Variants in KHDRBS2 observed in about 807,000 individuals in gnomAD.
KHDRBS2 encodes the protein KH domain-containing, RNA-binding, signal transduction-associated protein 2.
KHDRBS2 carries 26 observed loss-of-function variants against 44.3 expected under a neutral mutation model. The ratio of observed to expected loss-of-function variants is 0.59; its 90% confidence interval spans 0.43 to 0.81. KHDRBS2 has a LOEUF of 0.81. Ranked by LOEUF, KHDRBS2 falls within the 40% of genes least tolerant of loss-of-function variation. The pLI, the probability that KHDRBS2 is intolerant of heterozygous loss-of-function variation, is 0.00. For synonymous variants in KHDRBS2, 194 were observed against 151.1 expected, an observed-to-expected ratio of 1.28 and a Z score of -2.08; for missense variants, 476 against 433.1, an observed-to-expected ratio of 1.10 and a Z score of -0.88.
chr6:61,810,976 G>A (rs796099340), intron 6 of KHDRBS2, among the ~76,000 whole-genome samples: 16 of 152,012 alleles, frequency 1.1e-4, no homozygotes, highest in African/African-American at 3.9e-4. Context: ...TTTTATTTTA[G>A]ATTCAGGGAG....
downstream of KHDRBS2, among the ~76,000 whole-genome samples, chr6:61,675,516 G>T (rs1765879166): frequency 6.6e-6 from 1 of 151,532 alleles, no homozygotes; most frequent in Admixed American, 6.6e-5. Flanking sequence ...AAGCTAAATG[G>T]TCACAGTTCC....
chr6:61,730,394 C>T (rs1371358177), intron 7 of KHDRBS2, among the ~76,000 whole-genome samples: 2 of 151,954 alleles, frequency 1.3e-5, no homozygotes, highest in East Asian at 1.9e-4. Context: ...GCTCGACATT[C>T]ACATACTCAA....
intron 3 of KHDRBS2, among the ~76,000 whole-genome samples, chr6:62,002,211 G>T (rs1040404832): frequency 1.3e-5 from 2 of 151,718 alleles, no homozygotes; most frequent in Non-Finnish European, 2.9e-5. Flanking sequence ...TCCACCAAAG[G>T]TGTTTGATAT....
chr6:61,993,675 T>TA (rs61137285), intron 3 of KHDRBS2, among the ~76,000 whole-genome samples: 1,993 of 74,870 alleles, frequency 0.027, 78 homozygotes, highest in African/African-American at 0.064. Flanking sequence ...ATATATATAT[T>TA]TTTTTTTTTT....
chr6:61,680,803 G>C lies in KHDRBS2; in HGVS notation c.*160C>G. On this transcript the variant is annotated 3_prime_UTR_variant, in exon 9 of 9. Transcript: ENST00000281156. ...GTGTCAATGTCACGCCAACAGTACA[G>C]AGGGAAATACTAGAAATATATGGGA... is the stretch of plus-strand genomic sequence containing the variant. 1 of 568,926 alleles carries C rather than the reference G, an allele frequency of 1.8e-6. No individual in the cohort carries two copies. Among genetic ancestry groups the C allele is most frequent in the Non-Finnish European group, 3.2e-6 (1 of 316,352 alleles). 35.2% of individuals were successfully genotyped at this position (568,926 alleles called of 1,614,324 possible).
chr6:61,558,181 T>A, the KHDRBS2 span, among the ~76,000 whole-genome samples: 3 of 152,198 alleles, frequency 2.0e-5, no homozygotes, highest in African/African-American at 7.2e-5. Flanking sequence ...GGGTGTGATT[T>A]GTTCTTGCTT....
intron 6 of KHDRBS2, among the ~76,000 whole-genome samples, chr6:61,835,235 T>C (rs1443848052): frequency 6.6e-6 from 1 of 152,082 alleles, no homozygotes; most frequent in Non-Finnish European, 1.5e-5. Context: ...CAGACTAGTA[T>C]CAGTTGAAGA....
intron 2 of KHDRBS2, among the ~76,000 whole-genome samples, chr6:62,114,522 A>C (rs1805758228): frequency 6.6e-6 from 1 of 152,090 alleles, no homozygotes; most frequent in African/African-American, 2.4e-5. Flanking sequence ...AAAACAGGTA[A>C]AATTATTTTA....
intron 6 of KHDRBS2, among the ~76,000 whole-genome samples, chr6:61,784,145 G>T (rs1406198108): frequency 6.6e-6 from 1 of 151,626 alleles, no homozygotes; most frequent in Non-Finnish European, 1.5e-5. Context: ...TTAATATTTG[G>T]ATTCAGAGAT....
At chr6:61,734,400 G>T (rs796589234) in intron 6 of KHDRBS2, among the ~76,000 whole-genome samples, 2 of 151,992 alleles carry the variant, frequency 1.3e-5, no homozygotes, top group African/African-American at 4.8e-5. Context: ...TCCTTGTCTT[G>T]TTCTCCTTTA....
chr6:61,991,413 A>G (rs1230002588), intron 3 of KHDRBS2, among the ~76,000 whole-genome samples: 1 of 152,156 alleles, frequency 6.6e-6, no homozygotes, highest in Non-Finnish European at 1.5e-5. Flanking sequence ...CATGAAGAAA[A>G]GGCTTAATGA....
chr6:62,149,335 T>C (rs1355287856), intron 2 of KHDRBS2, among the ~76,000 whole-genome samples: 1 of 152,108 alleles, frequency 6.6e-6, no homozygotes, highest in Non-Finnish European at 1.5e-5. Context: ...TTTTCCTTTC[T>C]TTCCTCCTTT....
At chr6:62,152,608 A>G (rs1815458508) in intron 2 of KHDRBS2, among the ~76,000 whole-genome samples, 1 of 152,238 alleles carries the variant, frequency 6.6e-6, no homozygotes, top group Non-Finnish European at 1.5e-5. Flanking sequence ...TAAAAGTTGC[A>G]GAAGTAGAAT....
chr6:61,840,051 C>A (rs541250540), intron 6 of KHDRBS2, among the ~76,000 whole-genome samples: 40 of 152,010 alleles, frequency 2.6e-4, no homozygotes, highest in Admixed American at 2.0e-3. Flanking sequence ...TAATATTTGT[C>A]TTCAATTATT....
At chr6:61,555,845 G>A in the KHDRBS2 span, among the ~76,000 whole-genome samples, 1 of 152,118 alleles carries the variant, frequency 6.6e-6, no homozygotes, top group Non-Finnish European at 1.5e-5. Context: ...CTGTTATCTG[G>A]CCCCCAGCTT....
intron 2 of KHDRBS2, among the ~76,000 whole-genome samples, chr6:62,094,951 T>G (rs1800255932): frequency 1.3e-5 from 2 of 152,018 alleles, no homozygotes; most frequent in Admixed American, 1.3e-4. Flanking sequence ...CCTGCTGTTT[T>G]GGTTACTATA....
chr6:61,920,398 T>C (rs1358135282), intron 4 of KHDRBS2, among the ~76,000 whole-genome samples: 2 of 151,952 alleles, frequency 1.3e-5, no homozygotes, highest in African/African-American at 2.4e-5. Flanking sequence ...ACTGAGCACC[T>C]GATAAATGTT....
intron 7 of KHDRBS2, among the ~76,000 whole-genome samples, chr6:61,714,903 G>A (rs1284120621): frequency 3.3e-5 from 5 of 151,766 alleles, no homozygotes; most frequent in African/African-American, 4.8e-5. Flanking sequence ...AAGAGTGGGG[G>A]AACCAGATGG....
intron 4 of KHDRBS2, among the ~76,000 whole-genome samples, chr6:61,947,346 C>A (rs1287315582): frequency 6.6e-6 from 1 of 152,138 alleles, no homozygotes; most frequent in Non-Finnish European, 1.5e-5. Flanking sequence ...CTGCCCAATT[C>A]ATTACTCAAC....
Sources: gnomAD v4.1 joint callset for allele counts (sites outside exome capture counted in the v4.1 genomes callset) on GRCh38, gnomAD v4.1.1 for gene constraint, MANE v1.5 for transcripts, NCBI Gene and HGNC (gene_info 2026-07-23, HGNC 2026-07-21) for gene names.